HNRNPL: variants seen among roughly 807,000 people sequenced by gnomAD.
HNRNPL encodes heterogeneous nuclear ribonucleoprotein L.
A neutral mutation model predicts 64.0 loss-of-function variants in HNRNPL; 12 were observed. The observed-to-expected ratio is 0.19, with a 90% CI of 0.12 to 0.30. HNRNPL has a LOEUF of 0.30. Among genes scored for constraint, HNRNPL ranks in the 10% least tolerant of loss-of-function variants. HNRNPL has a pLI of 1.00. For synonymous variants in HNRNPL, 385 were observed against 313.0 expected (o/e 1.23, Z -2.43); for missense variants, 484 against 797.4 (o/e 0.61, Z 4.73).
rs141045412 is a variant in HNRNPL at position 38,837,744 on chromosome 19, G to T, written c.1558-93C>A. The T allele has an allele frequency of 1.7e-4, 183 of 1,060,130 alleles. No individual in the cohort carries two copies. In the African/African-American group the frequency reaches 2.2e-3, roughly 13 times the overall value. 65.7% of individuals were successfully genotyped at this position (1,060,130 alleles called of 1,614,324 possible). On this transcript the variant is annotated intron_variant, in intron 10 of 12. Transcript: ENST00000221419. The stretch of plus-strand genomic sequence containing the variant: ...CCAGGCCCTGCATGACTCAGTACTT[G>T]AAGTTTTCAGGAGAAAAGGCTTGTA...
Position 38,838,890 on chromosome 19 carries a change from C to G in HNRNPL, c.1355+4G>C. On this transcript the variant is annotated splice_donor_region_variant and intron_variant, in intron 9 of 12. Coordinates refer to ENST00000221419, the MANE Select transcript of HNRNPL (RefSeq NM_001533.3). ...CTGCTGCCCTCCCGAGCCTGAGCAC[C>G]TACCAGACATTCAGCTTCTGCCCAA... 3 of 1,614,154 alleles carry G rather than the reference C, an allele frequency of 1.9e-6. No individual in the cohort carries two copies. The highest frequency in any genetic ancestry group is 2.5e-6 in the Non-Finnish European group (3 of 1,180,036).
At position 38,840,469 on chromosome 19, in the gene HNRNPL, G is replaced by A. The variant is rs761991974; in HGVS notation, c.952+19C>T. 1 of 1,581,032 alleles carries A rather than the reference G, an allele frequency of 6.3e-7. No homozygotes were observed. The highest frequency in any genetic ancestry group is 8.6e-7 in the Non-Finnish European group (1 of 1,166,064). On this transcript the variant is annotated intron_variant, in intron 7 of 12. Transcript: ENST00000221419. ...ACATGAGCCACGGGAGTCCACGGAG[G>A]GGAACCCCCTGCCCTCACCATATTC...
intron 2 of HNRNPL, among the ~76,000 whole-genome samples, chr19:38,846,735 C>T (rs1972308898): frequency 6.6e-6 from 1 of 152,074 alleles, no homozygotes. Flanking sequence ...AGCGAAACCC[C>T]ATCTCTACTA....
chr19:38,849,388 G>C (rs368740082), intron 1 of HNRNPL: 1 of 321,514 alleles, frequency 3.1e-6, no homozygotes, highest in African/African-American at 2.1e-5. Context: ...ATGATAAAGG[G>C]GAAAAAAACC....
chr19:38,847,581 A>G (rs1397273456), intron 1 of HNRNPL, 147 bp from the exon 2 acceptor site: 2 of 426,944 alleles, frequency 4.7e-6, no homozygotes, highest in Non-Finnish European at 8.4e-6. Context: ...GCAGCAATTG[A>G]AGCCAATCAG....
intron 6 of HNRNPL, 32 bp from the exon 7 acceptor site, chr19:38,840,591 C>T: frequency 6.5e-7 from 1 of 1,540,958 alleles, no homozygotes; most frequent in South Asian, 1.2e-5. Context: ...AGGAGTCTCA[C>T]TCAGAAATTG....
intron 9 of HNRNPL, 75 bp from the exon 10 acceptor site, chr19:38,838,673 G>A: frequency 6.8e-7 from 1 of 1,463,826 alleles, no homozygotes; most frequent in Non-Finnish European, 9.5e-7. Flanking sequence ...GGCCTCCAGA[G>A]GCTTAGCTTG....
chr19:38,846,022 T>C lies in HNRNPL; in HGVS notation c.455A>G (p.Asn152Ser). 6.2e-7 allele frequency: 1 copy of C among 1,614,180 alleles called. No individual in the cohort carries two copies. The highest frequency in any genetic ancestry group is 1.1e-5 in the South Asian group (1 of 91,086). ...GTTGTCGGCTGCGTAGTTCACTGCG[T>C]TGCAAGCCCCCAACACATCTTCAAA... is the stretch of plus-strand genomic sequence containing the variant. ...VEFEDVLGAC[N>S]AVNYAADNQI... Residue 152 changes from asparagine (N) to serine (S), a missense_variant, in exon 3 of 13, where the codon AAC (asparagine) becomes AGC (serine). Asn to Ser is a conservative substitution (Grantham distance 46). Coordinates refer to ENST00000221419, the MANE Select transcript of HNRNPL (RefSeq NM_001533.3).
rs912270868 is a variant in HNRNPL at position 38,841,409 on chromosome 19, T to G, written c.881-850A>C. 13 of 358,488 alleles carry G rather than the reference T, an allele frequency of 3.6e-5. 1 individual carries two copies. The highest frequency in any genetic ancestry group is 6.0e-5 in the Non-Finnish European group (11 of 182,456). The allele number at this position is 358,488 out of a possible 1,614,324, so 22.2% of individuals were successfully genotyped here. On this transcript the variant is annotated intron_variant, in intron 6 of 12. Transcript: ENST00000221419. ...AGTTAAAAGACACTTTGGCCCAAAG[T>G]CACAAAGCAAGACAGTGGCTGAGCC... is the stretch of plus-strand genomic sequence containing the variant.
In HNRNPL at chr19:38,849,769, G is replaced by A. The variant is rs1012550043; in HGVS notation, c.198C>T (p.Ala66=). The change falls in exon 1 of 13, where the codon GCC becomes GCT. Residue 66 remains alanine (A), a synonymous_variant. Coordinates refer to ENST00000221419, the MANE Select transcript of HNRNPL (RefSeq NM_001533.3). ...RAPKRLKTDN[A]GDQHGGGGGG... is the part of the protein sequence containing the mutation. The stretch of plus-strand genomic sequence containing the variant: ...CGCCGCCGCCTCCGTGCTGGTCGCC[G>A]GCGTTGTCAGTCTTGAGCCGCTTAG... The A allele has an allele frequency of 1.1e-5, 16 of 1,416,568 alleles. No homozygotes were observed. Among genetic ancestry groups the A allele is most frequent in the African/African-American group, 1.1e-4 (7 of 66,240 alleles). The allele number at this position is 1,416,568 out of a possible 1,614,324, so 87.7% of individuals were successfully genotyped here. A position where few individuals can be genotyped will look rare whatever the true frequency, so the allele number is the denominator to read the frequency against.
At position 38,837,387 on chromosome 19, in the gene HNRNPL, G is replaced by C; in HGVS notation, c.1708C>G (p.Pro570Ala). The C allele has an allele frequency of 6.2e-7, 1 of 1,612,974 alleles. No individual in the cohort carries two copies. The highest frequency in any genetic ancestry group is 1.3e-5 in the African/African-American group (1 of 75,050). The change falls in exon 12 of 13, where the codon CCA (proline) becomes GCA (alanine). Residue 570 changes from proline (P) to alanine (A), a missense_variant. Transcript: ENST00000221419. ...GFLNHYQMKN[P>A]NGPYPYTLKL... ...TGCAGGACACACAGATACTCACTTG[G>C]GTTTTTCATCTGGTAATGGTTCAGG...
intron 6 of HNRNPL, 169 bp downstream of exon 6, chr19:38,843,673 C>A: frequency 1.6e-6 from 1 of 620,254 alleles, no homozygotes. Flanking sequence ...CCCATGGAGG[C>A]CTCTCACTCC....
chr19:38,850,617 C>T (rs118069878), upstream of HNRNPL, among the ~76,000 whole-genome samples: 112 of 152,324 alleles, frequency 7.4e-4, no homozygotes, highest in Non-Finnish European at 1.3e-3. Context: ...TGCGCAAATA[C>T]GCTTTCAGGC....
intron 8 of HNRNPL, chr19:38,839,386 A>G (rs929202460): frequency 7.9e-5 from 18 of 226,570 alleles, no homozygotes; most frequent in Non-Finnish European, 1.3e-4. Context: ...CAGCTGGGTT[A>G]CAACAGAGCA....
At position 38,849,711 on chromosome 19, in the gene HNRNPL, C is replaced by T; in HGVS notation, c.256G>A (p.Gly86Ser). 1 of 1,362,122 alleles carries T rather than the reference C, an allele frequency of 7.3e-7. No individual in the cohort carries two copies. The highest frequency in any genetic ancestry group is 1.5e-5 in the African/African-American group (1 of 65,354). 84.4% of individuals were successfully genotyped at this position (1,362,122 alleles called of 1,614,324 possible). A position where few individuals can be genotyped will look rare whatever the true frequency, so the allele number is the denominator to read the frequency against. Reference protein sequence around the residue: ...GGGGAGAAGGGGGGENYDDPH... With the variant: ...GGGGAGAAGGSGGGENYDDPH... ...GGCCCTGGCCTCACCCCACCGCCGC[C>T]GCCGCCCGCCGCCCCGGCTCCTCCA... The change falls in exon 1 of 13, where the codon GGC becomes AGC. Residue 86 changes from glycine to serine, a missense_variant. This residue lies in a region of HNRNPL where 190 missense variants were observed against 160.1 expected (regional missense o/e 1.19). Transcript: ENST00000221419.
intron 4 of HNRNPL, chr19:38,844,816 A>G (rs1458601326): frequency 6.6e-6 from 1 of 151,036 alleles, no homozygotes; most frequent in Non-Finnish European, 1.5e-5. Flanking sequence ...GGCTCAAGCG[A>G]TTCTCCTGCC....
rs1417821065 is a variant in HNRNPL, at chr19:38,847,305, G to C, written c.386+11C>G. ...TTTGGAAGCCCAACACCTGGCCTCT[G>C]AGCCCAGTACCTGATGGGTCCAAAC... On this transcript the variant is annotated intron_variant, in intron 2 of 12. Transcript: ENST00000221419. 1 of 1,386,982 alleles carries C rather than the reference G, an allele frequency of 7.2e-7. No individual in the cohort carries two copies. Among genetic ancestry groups the C allele is most frequent in the South Asian group, 1.6e-5 (1 of 62,822 alleles). The allele number at this position is 1,386,982 out of a possible 1,614,324, so 85.9% of individuals were successfully genotyped here. A position where few individuals can be genotyped will look rare whatever the true frequency, so the allele number is the denominator to read the frequency against.
chr19:38,848,902 C>T (rs1034209114), intron 1 of HNRNPL, among the ~76,000 whole-genome samples: 8 of 152,168 alleles, frequency 5.3e-5, no homozygotes, highest in African/African-American at 1.9e-4. Context: ...GAAAACCCTG[C>T]AAATAGGCGG....
chr19:38,842,323 G>A (rs549834962), intron 6 of HNRNPL: 9 of 152,460 alleles, frequency 5.9e-5, no homozygotes, highest in Non-Finnish European at 1.2e-4. Context: ...AACGTTCTCC[G>A]AAAAGAGCAT....
Sources: gnomAD v4.1 joint callset for allele counts (sites outside exome capture counted in the v4.1 genomes callset) on GRCh38, gnomAD v4.1.1 for gene constraint, gnomAD v4.1.1 regional missense constraint, MANE v1.5 for transcripts, NCBI Gene and HGNC (gene_info 2026-07-23, HGNC 2026-07-21) for gene names.